NKAIN2: variants seen among roughly 807,000 people sequenced by gnomAD.
The protein encoded by NKAIN2 is sodium/potassium-transporting ATPase subunit beta-1-interacting protein 2.
A neutral mutation model predicts 32.6 loss-of-function variants in NKAIN2; 14 were observed. The ratio of observed to expected loss-of-function variants is 0.43; its 90% CI spans 0.28 to 0.67. The LOEUF (loss-of-function observed/expected upper bound fraction) is 0.67, where lower values mean the gene tolerates loss of function less well. NKAIN2 is among the 30% of genes least tolerant of loss of function. The pLI is 0.17. For missense variants in NKAIN2, 198 were observed against 258.3 expected (o/e 0.77, Z 1.60); for synonymous variants, 80 against 87.2 (o/e 0.92, Z 0.46).
intron 1 of NKAIN2, among the ~76,000 whole-genome samples, chr6:124,079,875 G>A (rs1194646105): frequency 6.6e-6 from 1 of 151,472 alleles, no homozygotes; most frequent in East Asian, 1.9e-4. Flanking sequence ...AGCGAACAAA[G>A]GTAAAGTTAA....
At chr6:124,286,586 A>G (rs1054643018) in intron 2 of NKAIN2, among the ~76,000 whole-genome samples, 2 of 151,190 alleles carry the variant, frequency 1.3e-5, no homozygotes, top group African/African-American at 4.9e-5. Context: ...TTCTAATCGT[A>G]GTGAGTTAGA....
chr6:124,598,382 A>G (rs1782176770), intron 3 of NKAIN2, among the ~76,000 whole-genome samples: 1 of 152,170 alleles, frequency 6.6e-6, no homozygotes, highest in Admixed American at 6.6e-5. Flanking sequence ...AGTACCAGTA[A>G]GTTTAAAACT....
intron 3 of NKAIN2, among the ~76,000 whole-genome samples, chr6:124,379,745 A>G (rs182367135): frequency 2.5e-4 from 38 of 152,288 alleles, no homozygotes; most frequent in African/African-American, 8.9e-4. Context: ...CAGTTGTAGA[A>G]CTATGATGTC....
At chr6:124,739,123 C>G (rs1777085051) in intron 4 of NKAIN2, among the ~76,000 whole-genome samples, 1 of 151,800 alleles carries the variant, frequency 6.6e-6, no homozygotes, top group Non-Finnish European at 1.5e-5. Context: ...ATTACTGTTA[C>G]TTTTTAAATA....
chr6:124,144,504 G>C (rs538018711), intron 1 of NKAIN2, among the ~76,000 whole-genome samples: 13 of 152,076 alleles, frequency 8.5e-5, no homozygotes, highest in Non-Finnish European at 1.9e-4. Flanking sequence ...CTAGTTTTTG[G>C]TAAGAAAGAC....
chr6:124,348,920 A>T (rs1307631441), intron 2 of NKAIN2, among the ~76,000 whole-genome samples: 1 of 152,174 alleles, frequency 6.6e-6, no homozygotes, highest in African/African-American at 2.4e-5. Flanking sequence ...CGACGGGCTT[A>T]AAAAACGGTG....
At chr6:124,221,516 C>A (rs1791820644) in intron 1 of NKAIN2, among the ~76,000 whole-genome samples, 1 of 151,758 alleles carries the variant, frequency 6.6e-6, no homozygotes, top group African/African-American at 2.4e-5. Flanking sequence ...TGTAACTAAC[C>A]TGCACAATGT....
chr6:124,394,463 A>ATAGATAGATAGG (rs1773278190), intron 3 of NKAIN2, among the ~76,000 whole-genome samples: 1 of 137,440 alleles, frequency 7.3e-6, no homozygotes, highest in Admixed American at 7.1e-5. Flanking sequence ...TATGAGATAG[A>ATAGATAGATAGG]TAGATAGATA....
chr6:124,659,501 A>ATGTGTG (rs3050769), intron 4 of NKAIN2, among the ~76,000 whole-genome samples: 1 of 150,522 alleles, frequency 6.6e-6, no homozygotes, highest in Admixed American at 6.6e-5. Context: ...GTGTGTGCTT[A>ATGTGTG]TGTGTGTGTG....
intron 1 of NKAIN2, among the ~76,000 whole-genome samples, chr6:123,974,652 C>G (rs913747549): frequency 6.6e-5 from 10 of 152,248 alleles, no homozygotes; most frequent in Middle Eastern, 3.4e-3. Flanking sequence ...GAAGAATGTG[C>G]TTTTCAGAGT....
At chr6:124,481,984 G>T (rs866629707) in intron 3 of NKAIN2, among the ~76,000 whole-genome samples, 7 of 152,028 alleles carry the variant, frequency 4.6e-5, no homozygotes, top group African/African-American at 1.7e-4. Context: ...TCAAAAAAAT[G>T]TTCAAAAAGT....
intron 1 of NKAIN2, among the ~76,000 whole-genome samples, chr6:123,911,923 A>G (rs545669781): frequency 1.3e-5 from 2 of 150,464 alleles, no homozygotes; most frequent in African/African-American, 4.9e-5. Flanking sequence ...CCAATTTTAC[A>G]GGTATTTTTC....
chr6:124,734,736 G>T (rs540029271), intron 4 of NKAIN2, among the ~76,000 whole-genome samples: 4 of 151,938 alleles, frequency 2.6e-5, no homozygotes, highest in Admixed American at 2.6e-4. Flanking sequence ...CAGAGTAAAT[G>T]GGTAACATTC....
intron 2 of NKAIN2, among the ~76,000 whole-genome samples, chr6:124,324,802 G>GT (rs1797347217): frequency 2.6e-5 from 4 of 151,720 alleles, no homozygotes; most frequent in East Asian, 1.9e-4. Flanking sequence ...TTTTTCAAAT[G>GT]TTTTTTCTAC....
intron 2 of NKAIN2, among the ~76,000 whole-genome samples, chr6:124,311,720 T>G (rs753272682): frequency 4.5e-4 from 68 of 152,178 alleles, no homozygotes; most frequent in Non-Finnish European, 9.1e-4. Context: ...TTAATTGGTA[T>G]CGTTAGTGAT....
chr6:123,870,121 CACTGGGGGTATA>C (rs1208790843), intron 1 of NKAIN2, among the ~76,000 whole-genome samples: 1 of 152,024 alleles, frequency 6.6e-6, no homozygotes, highest in East Asian at 1.9e-4. Flanking sequence ...GTCATTTGAG[CACTGGGGGTATA>C]ACAGGTAAGA....
At chr6:124,016,225 C>T (rs1364185527) in intron 1 of NKAIN2, among the ~76,000 whole-genome samples, 2 of 152,030 alleles carry the variant, frequency 1.3e-5, no homozygotes, top group African/African-American at 4.8e-5. Context: ...GGCAAGGAAC[C>T]ACAGGCAGGT....
chr6:124,004,231 T>C (rs962306890), intron 1 of NKAIN2, among the ~76,000 whole-genome samples: 1 of 152,192 alleles, frequency 6.6e-6, no homozygotes, highest in Non-Finnish European at 1.5e-5. Context: ...TTAGATAAAA[T>C]ATCTGTGGTA....
chr6:124,686,143 C>T (rs1413689450), intron 4 of NKAIN2, among the ~76,000 whole-genome samples: 1 of 151,456 alleles, frequency 6.6e-6, no homozygotes, highest in Admixed American at 6.6e-5. Flanking sequence ...GCCTGTAGTT[C>T]ATGGTCTTGT....
Sources: gnomAD v4.1 joint callset for allele counts (sites outside exome capture counted in the v4.1 genomes callset) on GRCh38, gnomAD v4.1.1 for gene constraint, MANE v1.5 for transcripts, NCBI Gene and HGNC (gene_info 2026-07-23, HGNC 2026-07-21) for gene names.